ATXN2: variants seen among roughly 807,000 people sequenced by gnomAD.
ATXN2 encodes ataxin 2.
Under a neutral mutation model 138.6 loss-of-function variants are expected in ATXN2, and 37 were observed. That is an observed-to-expected ratio of 0.27 (90% CI 0.21 to 0.35). The LOEUF (loss-of-function observed/expected upper bound fraction) is 0.35, where lower values mean the gene tolerates loss of function less well. Among genes scored for constraint, ATXN2 ranks in the 10% least tolerant of loss-of-function variants. The pLI is 1.00. For missense variants in ATXN2, 1,216 were observed against 1,480.3 expected (o/e 0.82, Z 2.93); for synonymous variants, 549 against 543.7 (o/e 1.01, Z -0.13).
At chr12:111,537,350 C>T (rs995295684) in intron 5 of ATXN2, among the ~76,000 whole-genome samples, 2 of 151,442 alleles carry the variant, frequency 1.3e-5, no homozygotes, top group Non-Finnish European at 3.0e-5. Context: ...TTTGGGAGTC[C>T]GAGGTGGGCA....
chr12:111,599,443 C>A, upstream of ATXN2: 1 of 1,196,538 alleles, frequency 8.4e-7, no homozygotes, highest in Non-Finnish European at 1.0e-6. Flanking sequence ...ACCCGGGCCA[C>A]CTGGCTGCGG....
At chr12:111,463,647 G>A (rs1875759533) in intron 21 of ATXN2, among the ~76,000 whole-genome samples, 1 of 152,166 alleles carries the variant, frequency 6.6e-6, no homozygotes, top group African/African-American at 2.4e-5. Flanking sequence ...AGAAAGCTCT[G>A]CCCAGACTTT....
intron 5 of ATXN2, among the ~76,000 whole-genome samples, chr12:111,551,720 T>C (rs1028092683): frequency 3.3e-5 from 5 of 152,186 alleles, no homozygotes; most frequent in Non-Finnish European, 7.3e-5. Flanking sequence ...ACCACAAAAC[T>C]GTAGAAAATG....
Position 111,519,942 on chromosome 12 carries a change from T to C in ATXN2, c.923A>G (p.Glu308Gly). ...TCTCTGAACTGCTGTGTATTTTTCT[T>C]CCTCACTCCTATCATCATTTTCCAG... is the stretch of plus-strand genomic sequence containing the variant. ...VALENDDRSE[E>G]EKYTAVQRNS... The change falls in exon 8 of 25, where the codon GAA becomes GGA. Residue 308 changes from glutamate to glycine, a missense_variant. Physicochemically the swap from Glu to Gly is moderately conservative, Grantham distance 98. Around this residue, in one of 4 missense-constraint regions of ATXN2, gnomAD observed 401 missense variants for 528.1 expected, o/e 0.76. Transcript: ENST00000673436. 1 of 1,614,174 alleles carries C rather than the reference T, an allele frequency of 6.2e-7. No homozygotes were observed. Among genetic ancestry groups the C allele is most frequent in the South Asian group, 1.1e-5 (1 of 91,078 alleles).
chr12:111,583,953 T>C (rs983335451), intron 1 of ATXN2, among the ~76,000 whole-genome samples: 1 of 151,968 alleles, frequency 6.6e-6, no homozygotes, highest in Non-Finnish European at 1.5e-5. Context: ...TAACTGAGTG[T>C]CCTGTATTTC....
intron 14 of ATXN2, among the ~76,000 whole-genome samples, chr12:111,497,832 C>G (rs938351102): frequency 6.6e-6 from 1 of 151,594 alleles, no homozygotes; most frequent in Admixed American, 6.6e-5. Flanking sequence ...CTGGCTAACA[C>G]GGTGAAACCC....
intron 1 of ATXN2, among the ~76,000 whole-genome samples, chr12:111,574,324 A>G (rs1030221391): frequency 6.6e-6 from 1 of 151,456 alleles, no homozygotes; most frequent in Non-Finnish European, 1.5e-5. Context: ...AAAAAAAAAA[A>G]AAAAAAAAAG....
chr12:111,527,447 G>A (rs1880563122), intron 5 of ATXN2, among the ~76,000 whole-genome samples: 1 of 152,224 alleles, frequency 6.6e-6, no homozygotes. Flanking sequence ...TGGGCAAAGT[G>A]ATGCCAAAAT....
At chr12:111,502,909 AG>A (rs1489073507) in intron 14 of ATXN2, among the ~76,000 whole-genome samples, 11 of 152,212 alleles carry the variant, frequency 7.2e-5, no homozygotes, top group African/African-American at 2.7e-4. Flanking sequence ...GAGCTCTCAC[AG>A]GAACACTATG....
chr12:111,587,883 T>A (rs1221422975), intron 1 of ATXN2, among the ~76,000 whole-genome samples: 1 of 152,052 alleles, frequency 6.6e-6, no homozygotes, highest in Non-Finnish European at 1.5e-5. Context: ...AGTTAGCTAT[T>A]AATCATGGCA....
chr12:111,566,493 T>C (rs1270194345), intron 1 of ATXN2, among the ~76,000 whole-genome samples: 1 of 151,814 alleles, frequency 6.6e-6, no homozygotes, highest in Non-Finnish European at 1.5e-5. Flanking sequence ...CTACTGCCAT[T>C]CATAGCCATT....
intron 5 of ATXN2, among the ~76,000 whole-genome samples, chr12:111,537,962 G>A (rs919760445): frequency 5.7e-4 from 87 of 152,074 alleles, no homozygotes; most frequent in African/African-American, 2.0e-3. Context: ...AGCCAGGAGT[G>A]GTGATACACA....
intron 11 of ATXN2, 33 bp from the exon 12 acceptor site, chr12:111,510,615 C>T: frequency 6.5e-7 from 1 of 1,542,320 alleles, no homozygotes; most frequent in African/African-American, 1.4e-5. Context: ...TTATTACATT[C>T]TCAGTTCAAA....
intron 14 of ATXN2, among the ~76,000 whole-genome samples, chr12:111,491,641 C>T (rs1295032783): frequency 6.6e-6 from 1 of 152,224 alleles, no homozygotes; most frequent in Non-Finnish European, 1.5e-5. Flanking sequence ...TAGACATATT[C>T]TGGACCAGAA....
chr12:111,565,177 G>A (rs766947123), intron 1 of ATXN2, among the ~76,000 whole-genome samples: 22 of 151,430 alleles, frequency 1.5e-4, no homozygotes, highest in Non-Finnish European at 2.5e-4. Context: ...AAAAAAAAAC[G>A]TATTTTACTA....
At chr12:111,523,555 G>A (rs1240111082) in intron 6 of ATXN2, among the ~76,000 whole-genome samples, 2 of 151,650 alleles carry the variant, frequency 1.3e-5, no homozygotes, top group Non-Finnish European at 2.9e-5. Context: ...GTGAAACCCC[G>A]TCTCTACTAA....
intron 5 of ATXN2, among the ~76,000 whole-genome samples, chr12:111,539,352 AAG>A (rs1660082929): frequency 1.3e-5 from 2 of 149,970 alleles, no homozygotes; most frequent in Admixed American, 1.3e-4. Context: ...AAGAGAGTGA[AAG>A]AGACAGAGAG....
intron 14 of ATXN2, among the ~76,000 whole-genome samples, chr12:111,501,880 C>T (rs1319104376): frequency 6.7e-6 from 1 of 150,172 alleles, no homozygotes; most frequent in Non-Finnish European, 1.5e-5. Context: ...GCATTTCTTA[C>T]TATGGGTTGG....
At position 111,598,960 on chromosome 12, in the gene ATXN2, C is replaced by CTGCTGCTGCTGT; in HGVS notation, c.74_75insACAGCAGCAGCA (p.Gln25_Gln28dup). 1 of 1,500,508 alleles carries CTGCTGCTGCTGT rather than the reference C, an allele frequency of 6.7e-7. No homozygotes were observed. The highest frequency in any genetic ancestry group is 1.5e-5 in the African/African-American group (1 of 68,588). The allele number at this position is 1,500,508 out of a possible 1,614,324, so 92.9% of individuals were successfully genotyped here. ...CAGCCGCGGGCGGCGGCTGCTGCTG[C>CTGCTGCTGCTGT]TGCTGCTGCTGCTGCTGTTGCTGCT... On this transcript the variant is annotated inframe_insertion, in exon 1 of 25. Transcript: ENST00000673436. This position sits in a 1 kb window ranked among gnomAD's most constrained non-coding sequence, Gnocchi z 4.5.
Sources: allele counts gnomAD v4.1 joint callset (sites outside exome capture counted in the v4.1 genomes callset), GRCh38; gene constraint gnomAD v4.1.1; regional missense constraint gnomAD v4.1.1; non-coding constraint Gnocchi (gnomAD v3.1); transcripts MANE v1.5; gene names NCBI Gene and HGNC (gene_info 2026-07-23, HGNC 2026-07-21).